MYLK: variants seen among roughly 807,000 people sequenced by gnomAD.
MYLK encodes myosin light chain kinase, also known as myosin light chain kinase, smooth muscle.
MYLK carries 106 observed loss-of-function variants against 203.4 expected under a neutral mutation model. The observed-to-expected ratio is 0.52, with a 90% confidence interval of 0.45 to 0.61. MYLK has a LOEUF of 0.61. MYLK is among the 20% of genes least tolerant of loss of function. The pLI is 0.00. For synonymous variants in MYLK, 867 were observed against 959.5 expected (o/e 0.90, Z 1.78); for missense variants, 2,072 against 2,442.3 (o/e 0.85, Z 3.20).
chr3:123,786,996 T>C (rs1312485254), intron 4 of MYLK, among the ~76,000 whole-genome samples: 2 of 152,218 alleles, frequency 1.3e-5, no homozygotes, highest in Non-Finnish European at 2.9e-5. Context: ...GTTTTAAAAA[T>C]AGTTTAGCAT....
intron 13 of MYLK, among the ~76,000 whole-genome samples, chr3:123,714,070 T>A (rs117563619): frequency 0.012 from 1,887 of 152,280 alleles, 66 homozygotes; most frequent in South Asian, 0.098. Flanking sequence ...AGAACTTTCA[T>A]GTAACGATGA....
chr3:123,692,926 A>T, intron 18 of MYLK, 75 bp from the exon 19 acceptor site: 1 of 1,312,150 alleles, frequency 7.6e-7, no homozygotes, highest in Non-Finnish European at 1.1e-6. Context: ...GCAGCAGGTG[A>T]GTGTTACTCG....
chr3:123,871,934 A>T (rs1480281250), intron 2 of MYLK, among the ~76,000 whole-genome samples: 1 of 96,678 alleles, frequency 1.0e-5, no homozygotes, highest in Non-Finnish European at 2.6e-5. Context: ...AAAGATTAAT[A>T]ATATACCACA....
intron 3 of MYLK, among the ~76,000 whole-genome samples, chr3:123,799,182 T>TACCCCTC (rs954997409): frequency 7.1e-6 from 1 of 141,476 alleles, no homozygotes; most frequent in Non-Finnish European, 1.5e-5. Flanking sequence ...TTACCCCCCT[T>TACCCCTC]ACCCCTCACC....
rs113332684 is a variant in MYLK, at chr3:123,614,709, G to T, written c.5501-360C>A. On this transcript the variant is annotated intron_variant, in intron 33 of 33. Coordinates refer to ENST00000360304, the MANE Select transcript of MYLK (RefSeq NM_053025.4). ...AGTGGCATGATCGTAGCTTACTGTT[G>T]CTCAAATTCCTGGGCTCAAACGATC... Among the ~76,000 whole-genome samples, 1,159 of 152,092 alleles carry T rather than the reference G, an allele frequency of 7.6e-3. 5 individuals carry two copies. Among genetic ancestry groups the T allele is most frequent in the Non-Finnish European group, 0.011 (735 of 67,986 alleles).
intron 3 of MYLK, among the ~76,000 whole-genome samples, chr3:123,795,611 C>T (rs921627068): frequency 1.3e-5 from 2 of 152,118 alleles, no homozygotes; most frequent in Non-Finnish European, 2.9e-5. Flanking sequence ...TGGTCGGACT[C>T]CAGTCAAGGC....
At chr3:123,634,393 GC>G (rs2058559016) in intron 29 of MYLK, among the ~76,000 whole-genome samples, 1 of 152,162 alleles carries the variant, frequency 6.6e-6, no homozygotes, top group Non-Finnish European at 1.5e-5. Context: ...GTCTGAGGAG[GC>G]CCCCGATGCC....
At chr3:123,757,888 G>A (rs552884721) in intron 4 of MYLK, among the ~76,000 whole-genome samples, 1 of 152,228 alleles carries the variant, frequency 6.6e-6, no homozygotes, top group South Asian at 2.1e-4. Flanking sequence ...TACAAGTGTT[G>A]TTTCTCCTAT....
chr3:123,760,789 C>G (rs1254583882), intron 4 of MYLK, among the ~76,000 whole-genome samples: 1 of 152,212 alleles, frequency 6.6e-6, no homozygotes, highest in Non-Finnish European at 1.5e-5. Context: ...ACATTCTGCT[C>G]TGGTTGAATT....
Position 123,842,547 on chromosome 3 carries a change from C to A in MYLK, c.-126-10877G>T, listed in dbSNP as rs185770731. On this transcript the variant is annotated intron_variant, in intron 2 of 33. Coordinates refer to ENST00000360304, the MANE Select transcript of MYLK (RefSeq NM_053025.4). ...AAATATGCATTACTCTTTTCAAACA[C>A]ATAGAAAATATTTTCAAAAATTAAA... 2.3e-4 allele frequency among the ~76,000 whole-genome samples: 35 copies of A among 152,218 alleles called. No individual in the cohort carries two copies. The East Asian group carries it at 6.4e-3, about 28-fold the overall frequency.
chr3:123,702,187 G>A (rs2061263273), intron 16 of MYLK, among the ~76,000 whole-genome samples: 1 of 152,140 alleles, frequency 6.6e-6, no homozygotes, highest in Non-Finnish European at 1.5e-5. Context: ...CAGGGGAGGG[G>A]CTGTACCCTG....
chr3:123,750,762 G>T (rs933809370), intron 5 of MYLK, among the ~76,000 whole-genome samples: 6 of 152,200 alleles, frequency 3.9e-5, no homozygotes, highest in African/African-American at 1.4e-4. Flanking sequence ...TTGAAAGGGG[G>T]TTCATGTAGG....
chr3:123,854,639 A>G (rs1405106634), intron 2 of MYLK, among the ~76,000 whole-genome samples: 1 of 152,144 alleles, frequency 6.6e-6, no homozygotes, highest in African/African-American at 2.4e-5. Flanking sequence ...AAAACCTCCT[A>G]TTGGATACAG....
At chr3:123,702,200 T>G (rs1576633627) in intron 16 of MYLK, among the ~76,000 whole-genome samples, 2 of 152,160 alleles carry the variant, frequency 1.3e-5, no homozygotes, top group East Asian at 3.9e-4. Context: ...GTACCCTGTC[T>G]GGCTACAGTG....
At chr3:123,662,383 G>A (rs1167320271) in intron 23 of MYLK, among the ~76,000 whole-genome samples, 1 of 152,148 alleles carries the variant, frequency 6.6e-6, no homozygotes, top group African/African-American at 2.4e-5. Context: ...GTGATGATAC[G>A]AGATGAAGAT....
chr3:123,719,585 C>T (rs1269328095), intron 13 of MYLK, among the ~76,000 whole-genome samples: 10 of 152,186 alleles, frequency 6.6e-5, no homozygotes, highest in South Asian at 2.1e-4. Flanking sequence ...CTCACAGTAC[C>T]GCGACTGTCA....
chr3:123,874,599 C>A (rs1018511091), intron 2 of MYLK, among the ~76,000 whole-genome samples: 1 of 152,076 alleles, frequency 6.6e-6, no homozygotes, highest in Non-Finnish European at 1.5e-5. Context: ...GATATAACAG[C>A]AAAAGCATAA....
chr3:123,756,959 T>C (rs1316370974), intron 4 of MYLK, among the ~76,000 whole-genome samples: 1 of 152,202 alleles, frequency 6.6e-6, no homozygotes, highest in Non-Finnish European at 1.5e-5. Flanking sequence ...CTTCATAAAA[T>C]GTCCTCAAAA....
intron 4 of MYLK, among the ~76,000 whole-genome samples, chr3:123,792,688 G>C (rs2064826647): frequency 6.6e-6 from 1 of 152,128 alleles, no homozygotes; most frequent in Non-Finnish European, 1.5e-5. Context: ...CTTCTCTCCT[G>C]TTAGCTATGA....
Sources: allele counts gnomAD v4.1 joint callset (sites outside exome capture counted in the v4.1 genomes callset), GRCh38; gene constraint gnomAD v4.1.1; transcripts MANE v1.5; gene names NCBI Gene and HGNC (gene_info 2026-07-23, HGNC 2026-07-21).